The following OPRK1 variants were observed in gnomAD, a reference collection of about 807,000 sequenced individuals.
OPRK1 encodes opioid receptor kappa 1, also known as kappa-type opioid receptor.
Under a neutral mutation model 24.5 loss-of-function variants are expected in OPRK1, and 15 were observed. The ratio of observed to expected loss-of-function variants is 0.61; its 90% CI spans 0.41 to 0.94. The LOEUF (loss-of-function observed/expected upper bound fraction) is 0.94, where lower values mean the gene tolerates loss of function less well. OPRK1 is among the 40% of genes least tolerant of loss of function. The pLI is 0.00. For missense variants in OPRK1, 479 were observed against 507.3 expected (o/e 0.94, Z 0.54); for synonymous variants, 205 against 198.0 (o/e 1.04, Z -0.30).
chr8:53,234,891 C>T lies in OPRK1; in HGVS notation c.478G>A (p.Val160Met), dbSNP rs199536024. Residue 160 changes from valine to methionine, a missense_variant, in exon 3 of 4, where the codon GTG becomes ATG. By Grantham distance (21) the Val-to-Met change is conservative (BLOSUM62 1). Coordinates refer to ENST00000265572, the MANE Select transcript of OPRK1 (RefSeq NM_000912.5). Reference sequence around the variant, plus strand: ...TCCAAAGCCTTCACGGGGTGGCACACGGCAATGTAGCGGTCCACGCTCATC... The same window carrying T: ...TCCAAAGCCTTCACGGGGTGGCACATGGCAATGTAGCGGTCCACGCTCATC... ...TMMSVDRYIA[V>M]CHPVKALDFR... 2.4e-5 allele frequency: 39 copies of T among 1,614,164 alleles called. No homozygotes were observed. Among genetic ancestry groups the T allele is most frequent in the East Asian group, 8.9e-5 (4 of 44,880 alleles).
chr8:53,229,244 T>A lies in OPRK1; in HGVS notation c.*53A>T. On this transcript the variant is annotated 3_prime_UTR_variant, in exon 4 of 4. Coordinates refer to ENST00000265572, the MANE Select transcript of OPRK1 (RefSeq NM_000912.5). ...AGTAGTGATCTGAGTTAAACCTAGA[T>A]CATTGAACTCCTCTCTTCCCGAAGA... The A allele has an allele frequency of 1.9e-6, 3 of 1,556,286 alleles. No individual in the cohort carries two copies. The Middle Eastern group carries it at 6.1e-4, about 317-fold the overall frequency.
chr8:53,251,623 A>G lies in OPRK1; in HGVS notation c.-224T>C, dbSNP rs954562759. 6 of 151,762 alleles carry G rather than the reference A, an allele frequency of 4.0e-5. No homozygotes were observed. The highest frequency in any genetic ancestry group is 1.5e-4 in the African/African-American group (6 of 41,290). 9.4% of individuals were successfully genotyped at this position (151,762 alleles called of 1,614,324 possible). ...GAGCGCAGCCCCCGCCTCTCAGCGC[A>G]CGTCTCCCACTACTGGCGGCGGCTC... On this transcript the variant is annotated 5_prime_UTR_variant, in exon 1 of 4. Transcript: ENST00000265572.
At chr8:53,229,912 T>A in intron 3 of OPRK1, 83 bp from the exon 4 acceptor site, 1 of 1,267,224 alleles carries the variant, frequency 7.9e-7, no homozygotes, top group Non-Finnish European at 1.1e-6. Flanking sequence ...ATATGAATTT[T>A]AATACCTTTT....
intron 2 of OPRK1, among the ~76,000 whole-genome samples, chr8:53,235,886 C>T (rs1440477620): frequency 6.6e-6 from 1 of 152,134 alleles, no homozygotes; most frequent in East Asian, 1.9e-4. Flanking sequence ...TTATTCTTTA[C>T]ATTATAACAT....
intron 3 of OPRK1, among the ~76,000 whole-genome samples, chr8:53,230,321 G>A (rs1012392198): frequency 1.3e-5 from 2 of 151,974 alleles, no homozygotes; most frequent in Admixed American, 1.3e-4. Context: ...ACATTAACTG[G>A]TTTACAGGAA....
chr8:53,233,590 A>C (rs187090012), intron 3 of OPRK1, among the ~76,000 whole-genome samples: 38 of 152,298 alleles, frequency 2.5e-4, no homozygotes, highest in African/African-American at 8.4e-4. Flanking sequence ...CTGGAGCATT[A>C]AACAGCATGA....
At chr8:53,248,930 AT>A (rs1372838119) in intron 2 of OPRK1, among the ~76,000 whole-genome samples, 1 of 152,240 alleles carries the variant, frequency 6.6e-6, no homozygotes, top group Non-Finnish European at 1.5e-5. Context: ...AGCTGAACTT[AT>A]CCCCTTATAA....
At chr8:53,231,094 G>C (rs1024955369) in intron 3 of OPRK1, among the ~76,000 whole-genome samples, 1 of 152,052 alleles carries the variant, frequency 6.6e-6, no homozygotes, top group Non-Finnish European at 1.5e-5. Context: ...TGAAATACCA[G>C]ATGAAACCTT....
At position 53,228,757 on chromosome 8, in the gene OPRK1, A is replaced by G. The variant is rs1806777398; in HGVS notation, c.*540T>C. The G allele has an allele frequency of 1.3e-5, 2 of 152,680 alleles. No individual in the cohort carries two copies. Among genetic ancestry groups the G allele is most frequent in the African/African-American group, 4.8e-5 (2 of 41,472 alleles). The allele number at this position is 152,680 out of a possible 1,614,324, so 9.5% of individuals were successfully genotyped here. A position where few individuals can be genotyped will look rare whatever the true frequency, so the allele number is the denominator to read the frequency against. On this transcript the variant is annotated 3_prime_UTR_variant, in exon 4 of 4. Coordinates refer to ENST00000265572, the MANE Select transcript of OPRK1 (RefSeq NM_000912.5). ...GATTCCTCAGATGTGGGTCCAAGCC[A>G]TATGTAAGCTGTAATTCTTACCACA... is the stretch of plus-strand genomic sequence containing the variant.
chr8:53,244,102 T>C (rs986912751), intron 2 of OPRK1, among the ~76,000 whole-genome samples: 6 of 152,164 alleles, frequency 3.9e-5, no homozygotes, highest in Non-Finnish European at 8.8e-5. Flanking sequence ...TGTCACCCCA[T>C]TCCGTCCCAC....
intron 2 of OPRK1, among the ~76,000 whole-genome samples, chr8:53,249,085 C>G (rs1029227011): frequency 7.9e-5 from 12 of 151,924 alleles, no homozygotes; most frequent in African/African-American, 2.7e-4. Flanking sequence ...TTTTAGGATT[C>G]TTCATTCTTT....
chr8:53,242,824 C>T (rs979576703), intron 2 of OPRK1: 1 of 1,259,082 alleles, frequency 7.9e-7, no homozygotes, highest in African/African-American at 1.5e-5. Context: ...CATTCTTAAT[C>T]CAAGGCTTCC....
chr8:53,245,975 C>T (rs1807217868), intron 2 of OPRK1, among the ~76,000 whole-genome samples: 1 of 152,158 alleles, frequency 6.6e-6, no homozygotes, highest in South Asian at 2.1e-4. Flanking sequence ...GTCCCACAGT[C>T]ACCTATGCCA....
At position 53,229,438 on chromosome 8, in the gene OPRK1, A is replaced by AT; in HGVS notation, c.1001dup (p.Asp334GlufsTer2). On this transcript the variant is annotated frameshift_variant, in exon 4 of 4. Coordinates refer to ENST00000265572, the MANE Select transcript of OPRK1 (RefSeq NM_000912.5). LOFTEE classifies it high-confidence loss of function. Reference sequence around the variant, plus strand: ...CCCGGAAACACCGCTTGAAGTTTTCATCAAGAAAGGCGTAGAGAATGGGAT... The same window carrying AT: ...CCCGGAAACACCGCTTGAAGTTTTCATTCAAGAAAGGCGTAGAGAATGGGAT... 1 of 1,614,216 alleles carries AT rather than the reference A, an allele frequency of 6.2e-7. No individual in the cohort carries two copies. Among genetic ancestry groups the AT allele is most frequent in the Non-Finnish European group, 8.5e-7 (1 of 1,180,038 alleles).
chr8:53,243,956 C>G (rs1226424608), intron 2 of OPRK1, among the ~76,000 whole-genome samples: 2 of 151,930 alleles, frequency 1.3e-5, no homozygotes, highest in African/African-American at 4.8e-5. Flanking sequence ...GTGATATTAT[C>G]TAAGGTAGGC....
chr8:53,227,573 C>T lies in OPRK1; in HGVS notation c.*1724G>A, dbSNP rs1306633720. Reference sequence around the variant, plus strand: ...AAAATACAAGGGCAGATAGGAATCTCAATAAAACAAGAAATACTCAAAAGA... The same window carrying T: ...AAAATACAAGGGCAGATAGGAATCTTAATAAAACAAGAAATACTCAAAAGA... On this transcript the variant is annotated 3_prime_UTR_variant, in exon 4 of 4. Coordinates refer to ENST00000265572, the MANE Select transcript of OPRK1 (RefSeq NM_000912.5). 6.6e-6 allele frequency: 1 copy of T among 152,052 alleles called. No homozygotes were observed. The highest frequency in any genetic ancestry group is 6.6e-5 in the Admixed American group (1 of 15,264). 9.4% of individuals were successfully genotyped at this position (152,052 alleles called of 1,614,324 possible). A position where few individuals can be genotyped will look rare whatever the true frequency, so the allele number is the denominator to read the frequency against.
rs200733685 is a variant in OPRK1, at chr8:53,250,921, G to A, written c.117C>T (p.Asn39=). The change falls in exon 2 of 4, where the codon AAC becomes AAT. Residue 39 remains asparagine, a synonymous_variant. Transcript: ENST00000265572. ...GCGCGTCCTCCGAGCCGGCGCTGCC[G>A]TTGCTGTCGGGCTCGGCCCAGCCGG... ...WFPGWAEPDS[N]GSAGSEDAQL... 3.4e-5 allele frequency: 55 copies of A among 1,612,174 alleles called. No individual in the cohort carries two copies. The highest frequency in any genetic ancestry group is 1.7e-4 in the Middle Eastern group (1 of 6,054).
intron 2 of OPRK1, among the ~76,000 whole-genome samples, chr8:53,235,545 CATTATA>C (rs1179618599): frequency 6.6e-6 from 1 of 150,630 alleles, no homozygotes; most frequent in Non-Finnish European, 1.5e-5. Context: ...AGAAATCAAT[CATTATA>C]ATTATGATGT....
intron 3 of OPRK1, among the ~76,000 whole-genome samples, chr8:53,230,289 C>G (rs1290724122): frequency 2.0e-5 from 3 of 152,062 alleles, no homozygotes; most frequent in African/African-American, 4.8e-5. Flanking sequence ...CTGAATTTAA[C>G]AAAAGCCAAC....
Sources: allele counts gnomAD v4.1 joint callset (sites outside exome capture counted in the v4.1 genomes callset), GRCh38; gene constraint gnomAD v4.1.1; transcripts MANE v1.5; gene names NCBI Gene and HGNC (gene_info 2026-07-23, HGNC 2026-07-21).